CACNA2D3: variants seen among roughly 807,000 people sequenced by gnomAD.
CACNA2D3 encodes the protein calcium voltage-gated channel auxiliary subunit alpha2delta 3.
CACNA2D3 carries 60 observed loss-of-function variants against 160.6 expected under a neutral mutation model. The ratio of observed to expected loss-of-function variants is 0.37; its 90% confidence interval spans 0.30 to 0.46. The LOEUF is 0.46. Ranked by LOEUF, CACNA2D3 falls within the 20% of genes least tolerant of loss-of-function variation. CACNA2D3 has a pLI of 1.00. For missense variants in CACNA2D3, 1,205 were observed against 1,365.0 expected (o/e 0.88, Z 1.85); for synonymous variants, 558 against 492.9 (o/e 1.13, Z -1.75).
chr3:54,265,418 G>C lies in CACNA2D3; in HGVS notation c.205-55024G>C, dbSNP rs1424327836. On this transcript the variant is annotated intron_variant, in intron 2 of 37. Coordinates refer to ENST00000474759, the MANE Select transcript of CACNA2D3 (RefSeq NM_018398.3). Reference sequence around the variant, plus strand: ...GGGGGATAGGGGAGGGAGAGCACTAGGGAAATACCTAATGTAGATGACGGG... The same window carrying C: ...GGGGGATAGGGGAGGGAGAGCACTACGGAAATACCTAATGTAGATGACGGG... 2.6e-5 allele frequency among the ~76,000 whole-genome samples: 4 copies of C among 152,020 alleles called. No individual in the cohort carries two copies. In the East Asian group the frequency reaches 7.7e-4, roughly 29 times the overall value.
chr3:54,720,176 A>C (rs1186917138), intron 11 of CACNA2D3, among the ~76,000 whole-genome samples: 1 of 151,780 alleles, frequency 6.6e-6, no homozygotes, highest in Admixed American at 6.6e-5. Context: ...CTTGGGGTTA[A>C]ATTTGACCTT....
chr3:54,780,422 C>T (rs1195254908), intron 13 of CACNA2D3, among the ~76,000 whole-genome samples: 3 of 152,200 alleles, frequency 2.0e-5, no homozygotes, highest in Non-Finnish European at 4.4e-5. Context: ...ATTGTTTATA[C>T]TGTATTACTT....
At chr3:54,413,414 A>T (rs1559474757) in intron 4 of CACNA2D3, among the ~76,000 whole-genome samples, 1 of 146,912 alleles carries the variant, frequency 6.8e-6, no homozygotes, top group Admixed American at 6.8e-5. Context: ...ATATCTATAT[A>T]TATAGATATC....
intron 12 of CACNA2D3, among the ~76,000 whole-genome samples, chr3:54,763,750 TATATATAC>T (rs1702141372): frequency 1.6e-5 from 1 of 64,510 alleles, no homozygotes; most frequent in South Asian, 6.4e-4. Context: ...TATATGTGCA[TATATATAC>T]ACATATATAT....
At chr3:54,845,717 A>C (rs951940585) in intron 16 of CACNA2D3, among the ~76,000 whole-genome samples, 5 of 152,258 alleles carry the variant, frequency 3.3e-5, no homozygotes, top group Non-Finnish European at 7.3e-5. Context: ...TATTTCCCAT[A>C]GTCCCATTTA....
chr3:54,918,997 T>G lies in CACNA2D3; in HGVS notation c.2449+19129T>G, dbSNP rs553933408. On this transcript the variant is annotated intron_variant, in intron 27 of 37. Coordinates refer to ENST00000474759, the MANE Select transcript of CACNA2D3 (RefSeq NM_018398.3). ...GGCAGATGGAATTTATGAAGTACCT[T>G]TTTTTTTTTTAAATCCTGGAGTCAA... The G allele has an allele frequency of 0.018, 4,071 of 227,650 alleles. 112 individuals are homozygous for G. In the African/African-American group the frequency reaches 0.23, roughly 13 times the overall value. 14.1% of individuals were successfully genotyped at this position (227,650 alleles called of 1,614,324 possible).
At chr3:54,331,196 A>G (rs1168626909) in intron 3 of CACNA2D3, among the ~76,000 whole-genome samples, 1 of 152,224 alleles carries the variant, frequency 6.6e-6, no homozygotes, top group South Asian at 2.1e-4. Context: ...GAAATCACAT[A>G]TAAAAATATG....
At chr3:54,783,777 C>G (rs373277061) in intron 13 of CACNA2D3, among the ~76,000 whole-genome samples, 4 of 152,156 alleles carry the variant, frequency 2.6e-5, no homozygotes, top group Non-Finnish European at 5.9e-5. Context: ...TATTAAATGA[C>G]AGAAGGAAAA....
chr3:54,347,521 A>C (rs1575408403), intron 3 of CACNA2D3, among the ~76,000 whole-genome samples: 1 of 152,164 alleles, frequency 6.6e-6, no homozygotes, highest in Admixed American at 6.5e-5. Context: ...ATCAGATTTG[A>C]TGGATGCCTT....
chr3:54,204,963 A>G (rs1204165462), intron 2 of CACNA2D3, among the ~76,000 whole-genome samples: 2 of 152,322 alleles, frequency 1.3e-5, no homozygotes, highest in Non-Finnish European at 2.9e-5. Flanking sequence ...GAGAATAAGA[A>G]AAAGGACTTG....
chr3:54,641,660 C>G (rs1302040061), intron 10 of CACNA2D3, among the ~76,000 whole-genome samples: 1 of 152,166 alleles, frequency 6.6e-6, no homozygotes, highest in East Asian at 1.9e-4. Flanking sequence ...TCAGGGCCTA[C>G]TATCTGCCTT....
intron 8 of CACNA2D3, 89 bp downstream of exon 8, chr3:54,570,193 C>G: frequency 1.5e-6 from 2 of 1,326,142 alleles, no homozygotes; most frequent in Non-Finnish European, 2.1e-6. Flanking sequence ...CTGTTAGATC[C>G]AGAGCATCTA....
At chr3:54,579,482 C>T (rs367994920) in intron 8 of CACNA2D3, among the ~76,000 whole-genome samples, 11 of 152,148 alleles carry the variant, frequency 7.2e-5, no homozygotes, top group Non-Finnish European at 1.2e-4. Flanking sequence ...GGCAGGAAAA[C>T]GTTTCATTGA....
intron 27 of CACNA2D3, among the ~76,000 whole-genome samples, chr3:54,905,127 T>C (rs956983613): frequency 6.6e-6 from 1 of 152,212 alleles, no homozygotes; most frequent in Non-Finnish European, 1.5e-5. Flanking sequence ...TATATATCTT[T>C]TTAAATTATA....
chr3:54,447,120 A>G (rs527769726), intron 4 of CACNA2D3, among the ~76,000 whole-genome samples: 25 of 152,314 alleles, frequency 1.6e-4, no homozygotes, highest in Non-Finnish European at 3.2e-4. Context: ...GTGTTACACA[A>G]CTTTTCTGAG....
rs9878103 is a variant in CACNA2D3, at chr3:54,265,162, T to C, written c.205-55280T>C. Among the ~76,000 whole-genome samples the C allele has an allele frequency of 7.7e-3, 1,174 of 152,332 alleles. 6 individuals are homozygous for C. The highest frequency in any genetic ancestry group is 0.017 in the African/African-American group (723 of 41,574). On this transcript the variant is annotated intron_variant, in intron 2 of 37. Transcript: ENST00000474759. ...CTAGATCCTTGAGGAATCACCACACTGTCTTCCACAATGGTTGAACTAATT... is the reference window on the plus strand; with the variant it reads ...CTAGATCCTTGAGGAATCACCACACCGTCTTCCACAATGGTTGAACTAATT...
chr3:54,537,754 G>A (rs1359248842), intron 5 of CACNA2D3, among the ~76,000 whole-genome samples: 1 of 152,154 alleles, frequency 6.6e-6, no homozygotes, highest in Non-Finnish European at 1.5e-5. Context: ...CTCACTCCCT[G>A]TGGTTAGGCA....
chr3:54,168,545 T>G (rs1377243625), intron 2 of CACNA2D3, among the ~76,000 whole-genome samples: 1 of 152,162 alleles, frequency 6.6e-6, no homozygotes, highest in Non-Finnish European at 1.5e-5. Context: ...GGAGCCACCT[T>G]AGGAGGCCTG....
chr3:54,822,777 TC>T (rs1703646437), intron 14 of CACNA2D3, among the ~76,000 whole-genome samples: 5 of 86,496 alleles, frequency 5.8e-5, no homozygotes, highest in South Asian at 4.1e-4. Flanking sequence ...TTTCTTTCTT[TC>T]TTTCTTTCTT....
Sources: gnomAD v4.1 joint callset for allele counts (sites outside exome capture counted in the v4.1 genomes callset) on GRCh38, gnomAD v4.1.1 for gene constraint, MANE v1.5 for transcripts, NCBI Gene and HGNC (gene_info 2026-07-23, HGNC 2026-07-21) for gene names.